The following LNX1 variants were observed in gnomAD, a reference collection of about 807,000 sequenced individuals.
LNX1 encodes E3 ubiquitin-protein ligase LNX.
Under a neutral mutation model 68.4 loss-of-function variants are expected in LNX1, and 54 were observed. That is an observed-to-expected ratio of 0.79 (90% CI 0.63 to 0.99). The LOEUF (loss-of-function observed/expected upper bound fraction) is 0.99. Ranked by LOEUF, LNX1 falls within the 50% of genes least tolerant of loss-of-function variation. The pLI is 0.00. For missense variants in LNX1, 906 were observed against 926.4 expected (o/e 0.98, Z 0.29); for synonymous variants, 336 against 350.0 (o/e 0.96, Z 0.45).
chr4:53,584,978 C>T (rs1199555035), intron 1 of LNX1, among the ~76,000 whole-genome samples: 3 of 152,170 alleles, frequency 2.0e-5, no homozygotes, highest in Non-Finnish European at 4.4e-5. Context: ...TTGTTTTTAT[C>T]TTTGTCTTTG....
chr4:53,633,333 G>A (rs1216626786), intron 1 of LNX1, among the ~76,000 whole-genome samples: 1 of 152,292 alleles, frequency 6.6e-6, no homozygotes, highest in Non-Finnish European at 1.5e-5. Flanking sequence ...GGTCCCCCAT[G>A]CACAATAACT....
At chr4:53,512,393 A>G (rs1560637462) in intron 2 of LNX1, among the ~76,000 whole-genome samples, 1 of 151,860 alleles carries the variant, frequency 6.6e-6, no homozygotes, top group Non-Finnish European at 1.5e-5. Flanking sequence ...AAAACTGCCA[A>G]CACAAGTAGA....
chr4:53,618,670 T>C (rs1346633228), upstream of LNX1, among the ~76,000 whole-genome samples: 1 of 152,098 alleles, frequency 6.6e-6, no homozygotes, highest in Non-Finnish European at 1.5e-5. Context: ...TGCTGGCCAA[T>C]AGGATGACAA....
chr4:53,532,422 C>A (rs576633243), intron 2 of LNX1, among the ~76,000 whole-genome samples: 1 of 151,996 alleles, frequency 6.6e-6, no homozygotes, highest in South Asian at 2.1e-4. Flanking sequence ...TTGTAGTGAG[C>A]CGAGATAGAC....
At chr4:53,513,748 C>T (rs1726538538) in intron 2 of LNX1, among the ~76,000 whole-genome samples, 1 of 152,240 alleles carries the variant, frequency 6.6e-6, no homozygotes, top group African/African-American at 2.4e-5. Flanking sequence ...CCTGGATTAT[C>T]CCAACAGTCT....
At chr4:53,568,580 C>CGGGCACAAGACAGG (rs1553939202) in intron 2 of LNX1, among the ~76,000 whole-genome samples, 1 of 147,082 alleles carries the variant, frequency 6.8e-6, no homozygotes, top group African/African-American at 2.6e-5. Flanking sequence ...CCTTTGAAAA[C>CGGGCACAAGACAGG]GGGCACAAGA....
At chr4:53,522,974 T>G (rs1727343247) in intron 2 of LNX1, 1 of 152,260 alleles carries the variant, frequency 6.6e-6, no homozygotes, top group Admixed American at 6.5e-5. Flanking sequence ...ATTAACATGC[T>G]TGTCCTCCTA....
intron 6 of LNX1, among the ~76,000 whole-genome samples, chr4:53,487,291 G>A (rs1463158081): frequency 6.6e-6 from 1 of 152,216 alleles, no homozygotes; most frequent in Non-Finnish European, 1.5e-5. Context: ...GTAAGAACTG[G>A]TCAAGTACCT....
At chr4:53,631,857 G>A (rs1388208050) in intron 1 of LNX1, among the ~76,000 whole-genome samples, 2 of 151,792 alleles carry the variant, frequency 1.3e-5, no homozygotes, top group East Asian at 1.9e-4. Flanking sequence ...GGTGGAGCCT[G>A]AGCCTTTTTT....
intron 1 of LNX1, 100 bp from the exon 2 acceptor site, chr4:53,574,188 G>T: frequency 1.1e-6 from 1 of 945,790 alleles, no homozygotes; most frequent in Non-Finnish European, 1.5e-6. Flanking sequence ...GGGGAATTGA[G>T]CTACGATTCA....
At chr4:53,574,193 G>A (rs1731347437) in intron 1 of LNX1, 105 bp from the exon 2 acceptor site, 8 of 904,318 alleles carry the variant, frequency 8.8e-6, no homozygotes, top group South Asian at 5.7e-5. Flanking sequence ...ATTGAGCTAC[G>A]ATTCAGAAAG....
intron 2 of LNX1, among the ~76,000 whole-genome samples, chr4:53,565,550 A>C (rs1325727047): frequency 6.6e-6 from 1 of 151,938 alleles, no homozygotes; most frequent in African/African-American, 2.4e-5. Flanking sequence ...GATGGGGAAA[A>C]AACAGAACAG....
intron 1 of LNX1, among the ~76,000 whole-genome samples, chr4:53,624,957 C>T (rs1734017832): frequency 6.6e-6 from 1 of 152,188 alleles, no homozygotes; most frequent in Non-Finnish European, 1.5e-5. Context: ...AAATGCTCAA[C>T]ATTGCAACAA....
rs561569946 is a variant in LNX1, at chr4:53,576,475, C to A, written c.-86-2387G>T. 11 of 1,321,232 alleles carry A rather than the reference C, an allele frequency of 8.3e-6. No homozygotes were observed. The Admixed American group carries it at 1.9e-4, about 23-fold the overall frequency. The allele number at this position is 1,321,232 out of a possible 1,614,324, so 81.8% of individuals were successfully genotyped here. ...TGCAGCTGACTCTTCCCAGGACAGC[C>A]CTGCCCTTCCCATGAGGCAGGCTCT... On this transcript the variant is annotated intron_variant, in intron 1 of 10. Transcript: ENST00000263925.
At chr4:53,496,787 C>T (rs1279975140) in intron 5 of LNX1, among the ~76,000 whole-genome samples, 2 of 152,196 alleles carry the variant, frequency 1.3e-5, no homozygotes, top group Non-Finnish European at 2.9e-5. Flanking sequence ...TTGCATTAAA[C>T]AGCTCTTCAA....
At chr4:53,612,839 C>T (rs1471246134) in intron 2 of LNX1, among the ~76,000 whole-genome samples, 5 of 150,904 alleles carry the variant, frequency 3.3e-5, no homozygotes, top group African/African-American at 4.9e-5. Flanking sequence ...GATCTGTGGT[C>T]GTATCACTGC....
chr4:53,619,969 C>A (rs1038115913), upstream of LNX1, among the ~76,000 whole-genome samples: 1 of 152,124 alleles, frequency 6.6e-6, no homozygotes, highest in Non-Finnish European at 1.5e-5. Context: ...ACTGTGATTA[C>A]AAAAATGCAA....
intron 2 of LNX1, among the ~76,000 whole-genome samples, chr4:53,542,708 A>G (rs1728844048): frequency 6.6e-6 from 1 of 152,264 alleles, no homozygotes; most frequent in African/African-American, 2.4e-5. Flanking sequence ...CAATTTCGGA[A>G]TGAGAAAATT....
intron 6 of LNX1, among the ~76,000 whole-genome samples, chr4:53,484,168 T>A (rs757967861): frequency 6.6e-6 from 1 of 152,206 alleles, no homozygotes; most frequent in Non-Finnish European, 1.5e-5. Context: ...AATAAATTTA[T>A]GTTGTTTACA....
Sources: gnomAD v4.1 joint callset for allele counts (sites outside exome capture counted in the v4.1 genomes callset) on GRCh38, gnomAD v4.1.1 for gene constraint, MANE v1.5 for transcripts, NCBI Gene and HGNC (gene_info 2026-07-23, HGNC 2026-07-21) for gene names.